Variants in BPIFB2 observed in about 807,000 individuals in gnomAD.
The protein encoded by BPIFB2 is BPI fold-containing family B member 2.
In BPIFB2, 39 loss-of-function variants were observed where a neutral mutation model predicts 50.1. That is an observed-to-expected ratio of 0.78 (90% CI 0.60 to 1.02). BPIFB2 has a LOEUF of 1.02. Ranked by LOEUF, BPIFB2 falls within the 50% of genes least tolerant of loss-of-function variation. BPIFB2 has a pLI of 0.00. For missense variants in BPIFB2, 574 were observed against 585.8 expected, an observed-to-expected ratio of 0.98 and a Z score of 0.21; for synonymous variants, 280 against 256.3, an observed-to-expected ratio of 1.09 and a Z score of -0.88.
rs74586421 is a variant in BPIFB2, at chr20:33,010,034, G to A, written c.110-990G>A. Among the ~76,000 whole-genome samples, 900 of 152,344 alleles carry A rather than the reference G, an allele frequency of 5.9e-3. 18 individuals carry two copies. The highest frequency in any genetic ancestry group is 0.054 in the East Asian group (279 of 5,186). ...GGAAACCACCGCCTTTATGCTTCTT[G>A]TTGGGGGAGACTAAGAACCAGAGAG... On this transcript the variant is annotated intron_variant, in intron 2 of 15. Transcript: ENST00000170150.
intron 7 of BPIFB2, among the ~76,000 whole-genome samples, chr20:33,017,482 G>A (rs1347447288): frequency 6.6e-6 from 1 of 152,204 alleles, no homozygotes; most frequent in African/African-American, 2.4e-5. Flanking sequence ...CCAAAGTGCT[G>A]GGATCACAGG....
rs758500177 is a variant in BPIFB2, at chr20:33,021,296, A to G, written c.1210A>G (p.Thr404Ala). The G allele has an allele frequency of 6.2e-7, 1 of 1,613,960 alleles. No homozygotes were observed. Among genetic ancestry groups the G allele is most frequent in the Non-Finnish European group, 8.5e-7 (1 of 1,179,970 alleles). ...VGFIDTDQVRTLMGTVFEKPL... is the reference protein window; with the variant it reads ...VGFIDTDQVRALMGTVFEKPL... The stretch of plus-strand genomic sequence containing the variant: ...GTGGCCACAGACAGATCAGGTGCGC[A>G]CACTGATGGGCACCGTTTTTGAGAA... The change falls in exon 14 of 16, where the codon ACA (threonine) becomes GCA (alanine). Residue 404 changes from threonine to alanine, a missense_variant. Physicochemically the swap from Thr to Ala is moderately conservative, Grantham distance 58. Coordinates refer to ENST00000170150, the MANE Select transcript of BPIFB2 (RefSeq NM_025227.3).
At chr20:33,014,686 C>A (rs1282120760) in intron 5 of BPIFB2, among the ~76,000 whole-genome samples, 1 of 152,220 alleles carries the variant, frequency 6.6e-6, no homozygotes, top group Non-Finnish European at 1.5e-5. Context: ...ATCTTGGAGG[C>A]TTAGAAGAAT....
In BPIFB2 at chr20:33,008,632, G is replaced by T; in HGVS notation, c.58G>T (p.Ala20Ser). The change falls in exon 2 of 16, where the codon GCC (alanine) becomes TCC (serine). Residue 20 changes from alanine (A) to serine (S), a missense_variant. By Grantham distance (99) the Ala-to-Ser change is moderately conservative (BLOSUM62 1). Coordinates refer to ENST00000170150, the MANE Select transcript of BPIFB2 (RefSeq NM_025227.3). ...GGCACTGCTGCTGCCCGTGGTCGGT[G>T]CCTCCACGCCAGGCACCGTGGTCCG... is the stretch of plus-strand genomic sequence containing the variant. Reference protein sequence around the residue: ...LLALLLPVVGASTPGTVVRLN... With the variant: ...LLALLLPVVGSSTPGTVVRLN... The T allele has an allele frequency of 1.2e-6, 2 of 1,607,822 alleles. No homozygotes were observed. The highest frequency in any genetic ancestry group is 8.5e-7 in the Non-Finnish European group (1 of 1,177,270).
At chr20:33,010,902 A>G in intron 2 of BPIFB2, 122 bp from the exon 3 acceptor site, 1 of 823,322 alleles carries the variant, frequency 1.2e-6, no homozygotes, top group Admixed American at 2.0e-5. Context: ...GCTTGGAGTA[A>G]GCCTACCCCT....
rs1990258647 is a variant in BPIFB2, at chr20:33,009,527, C to G, written c.109+844C>G. On this transcript the variant is annotated intron_variant, in intron 2 of 15. Coordinates refer to ENST00000170150, the MANE Select transcript of BPIFB2 (RefSeq NM_025227.3). This position sits in a 1 kb window ranked among gnomAD's most constrained non-coding sequence, Gnocchi z 4.2. ...AGACAGTAGATGGGACCTTCAGTGG[C>G]CCAGGACATGAAGCAGTGGCTCAGG... Among the ~76,000 whole-genome samples the G allele has an allele frequency of 6.6e-6, 1 of 152,206 alleles. No homozygotes were observed. Among genetic ancestry groups the G allele is most frequent in the South Asian group, 2.1e-4 (1 of 4,834 alleles).
Position 33,017,917 on chromosome 20 carries a change from C to T in BPIFB2, c.578-342C>T, listed in dbSNP as rs148506033. ...GAGTTCTCTTCTTTTTCTGTGGTTG[C>T]TTCTCACCTTTGTCAGGGGATATTT... On this transcript the variant is annotated intron_variant, in intron 7 of 15. Transcript: ENST00000170150. 5.1e-4 allele frequency among the ~76,000 whole-genome samples: 78 copies of T among 152,304 alleles called. 3 individuals are homozygous for T. The East Asian group carries it at 0.013, about 26-fold the overall frequency.
chr20:33,010,602 C>G (rs1600510465), intron 2 of BPIFB2, among the ~76,000 whole-genome samples: 1 of 152,174 alleles, frequency 6.6e-6, no homozygotes, highest in Non-Finnish European at 1.5e-5. Context: ...CTGTCCCCTC[C>G]CCTCCCAAGG....
chr20:33,012,674 C>T, intron 3 of BPIFB2, 129 bp from the exon 4 acceptor site: 1 of 748,954 alleles, frequency 1.3e-6, no homozygotes, highest in Admixed American at 2.1e-5. Context: ...CTTCCCCTTA[C>T]CTCATGGTTC....
At chr20:33,015,816 C>A (rs957970150) in intron 6 of BPIFB2, among the ~76,000 whole-genome samples, 1 of 151,922 alleles carries the variant, frequency 6.6e-6, no homozygotes, top group Admixed American at 6.6e-5. Flanking sequence ...GAAGACAGAA[C>A]GAGAGTGAAC....
chr20:33,008,798 G>C (rs142395592), intron 2 of BPIFB2, 115 bp downstream of exon 2: 2 of 866,646 alleles, frequency 2.3e-6, no homozygotes, highest in African/African-American at 1.7e-5. Flanking sequence ...ATTTTAATTG[G>C]AAGTTGTGTC....
intron 2 of BPIFB2, among the ~76,000 whole-genome samples, chr20:33,008,976 CTG>C (rs1403670564): frequency 2.6e-5 from 4 of 152,102 alleles, no homozygotes; most frequent in Non-Finnish European, 4.4e-5. Context: ...CTATTTTTAC[CTG>C]TGTGTGTCTA....
intron 3 of BPIFB2, among the ~76,000 whole-genome samples, chr20:33,012,259 G>A (rs1990298887): frequency 1.3e-5 from 2 of 152,218 alleles, no homozygotes; most frequent in Admixed American, 6.5e-5. Context: ...GCTCTTGTTT[G>A]TAGACACAGG....
In BPIFB2 at chr20:33,009,424, G is replaced by T. The variant is rs558986276; in HGVS notation, c.109+741G>T. On this transcript the variant is annotated intron_variant, in intron 2 of 15. Coordinates refer to ENST00000170150, the MANE Select transcript of BPIFB2 (RefSeq NM_025227.3). This position sits in a 1 kb window ranked among gnomAD's most constrained non-coding sequence, Gnocchi z 4.2. ...CGAGTTGCCTCCCGGTGAGAATTTGGTTTCCCACCAAAGCCAGGAGATCAG... is the reference window on the plus strand; with the variant it reads ...CGAGTTGCCTCCCGGTGAGAATTTGTTTTCCCACCAAAGCCAGGAGATCAG... Among the ~76,000 whole-genome samples the T allele has an allele frequency of 2.0e-5, 3 of 152,316 alleles. No individual in the cohort carries two copies. In the South Asian group the frequency reaches 6.2e-4, roughly 32 times the overall value.
intron 11 of BPIFB2, 54 bp from the exon 12 acceptor site, chr20:33,020,274 G>A (rs369911345): frequency 1.1e-5 from 17 of 1,552,590 alleles, no homozygotes; most frequent in East Asian, 2.2e-5. Flanking sequence ...CTGGGTGGCT[G>A]GTGCCCCCCT....
At position 33,020,543 on chromosome 20, in the gene BPIFB2, G is replaced by A; in HGVS notation, c.1150G>A (p.Asp384Asn). The A allele has an allele frequency of 6.2e-7, 1 of 1,608,624 alleles. No homozygotes were observed. The highest frequency in any genetic ancestry group is 2.2e-5 in the East Asian group (1 of 44,768). The change falls in exon 13 of 16, where the codon GAT (aspartate) becomes AAT (asparagine). Residue 384 changes from aspartate (D) to asparagine (N), a missense_variant and splice_region_variant. Coordinates refer to ENST00000170150, the MANE Select transcript of BPIFB2 (RefSeq NM_025227.3). ...TGAATTCTCCTGCTTCTCTTTCAGG[G>A]ATGTCCAGCTCACGGTGGCCTCCTC... ...KLQGTTSVLG[D>N]VQLTVASSNV...
At position 33,021,686 on chromosome 20, in the gene BPIFB2, C is replaced by T. The variant is rs764157538; in HGVS notation, c.1259-37C>T. On this transcript the variant is annotated intron_variant, in intron 14 of 15. Coordinates refer to ENST00000170150, the MANE Select transcript of BPIFB2 (RefSeq NM_025227.3). ...ACATGAGGGCTTCAGCACAGGCTGGCTCCAGGGGACGATCCTTTCTTCTTT... is the reference window on the plus strand; with the variant it reads ...ACATGAGGGCTTCAGCACAGGCTGGTTCCAGGGGACGATCCTTTCTTCTTT... 11 of 1,600,124 alleles carry T rather than the reference C, an allele frequency of 6.9e-6. No individual in the cohort carries two copies. The African/African-American group carries it at 1.1e-4, about 16-fold the overall frequency.
At chr20:33,016,849 G>T (rs1978448254) in intron 6 of BPIFB2, among the ~76,000 whole-genome samples, 193 bp from the exon 7 acceptor site, 1 of 152,236 alleles carries the variant, frequency 6.6e-6, no homozygotes, top group Admixed American at 6.5e-5. Flanking sequence ...CCTTTGGGTT[G>T]CTTCTCCTCT....
chr20:33,010,576 C>T (rs1248247087), intron 2 of BPIFB2, among the ~76,000 whole-genome samples: 1 of 152,120 alleles, frequency 6.6e-6, no homozygotes, highest in Non-Finnish European at 1.5e-5. Flanking sequence ...CTTGAGTCCT[C>T]AGCCCCCAGG....
Sources: gnomAD v4.1 joint callset for allele counts (sites outside exome capture counted in the v4.1 genomes callset) on GRCh38, gnomAD v4.1.1 for gene constraint, Gnocchi (gnomAD v3.1) non-coding constraint, MANE v1.5 for transcripts, NCBI Gene and HGNC (gene_info 2026-07-23, HGNC 2026-07-21) for gene names.